The following EPSTI1 variants were observed in gnomAD, a reference collection of about 807,000 sequenced individuals.
EPSTI1 encodes epithelial-stromal interaction protein 1.
EPSTI1 carries 66 observed loss-of-function variants against 49.9 expected under a neutral mutation model. The observed-to-expected ratio is 1.32, with a 90% CI of 1.08 to 1.62. EPSTI1 has a LOEUF of 1.62. Among genes scored for constraint, EPSTI1 ranks in the 40% most tolerant of loss-of-function variants. EPSTI1 has a pLI of 0.00. For missense variants in EPSTI1, 394 were observed against 365.5 expected (o/e 1.08, Z -0.64); for synonymous variants, 137 against 130.7 (o/e 1.05, Z -0.33).
intron 1 of EPSTI1, among the ~76,000 whole-genome samples, chr13:42,978,203 C>T (rs1246396451): frequency 6.6e-6 from 1 of 151,552 alleles, no homozygotes; most frequent in Non-Finnish European, 1.5e-5. Flanking sequence ...GCACCCATGA[C>T]ACAGCTTCAA....
chr13:42,971,065 A>C (rs2039755741), intron 1 of EPSTI1, among the ~76,000 whole-genome samples: 1 of 152,112 alleles, frequency 6.6e-6, no homozygotes, highest in Non-Finnish European at 1.5e-5. Flanking sequence ...CCACAGACTG[A>C]TCCTAGAGGC....
chr13:42,971,492 C>T (rs892569047), intron 1 of EPSTI1, among the ~76,000 whole-genome samples: 36 of 152,182 alleles, frequency 2.4e-4, no homozygotes, highest in African/African-American at 8.4e-4. Context: ...CCCACAAGAA[C>T]ATGAATACTC....
At chr13:42,953,369 C>A (rs1324482468) in intron 6 of EPSTI1, among the ~76,000 whole-genome samples, 1 of 151,984 alleles carries the variant, frequency 6.6e-6, no homozygotes, top group Non-Finnish European at 1.5e-5. Flanking sequence ...CCAGAAAGGA[C>A]ATGAGCTTAT....
At chr13:42,907,997 A>G (rs2153414622) in intron 8 of EPSTI1, among the ~76,000 whole-genome samples, 1 of 152,344 alleles carries the variant, frequency 6.6e-6, no homozygotes, top group East Asian at 1.9e-4. Context: ...AGGGGAAAGG[A>G]CAGTCTCCTC....
In EPSTI1 at chr13:42,953,983, G is replaced by A; in HGVS notation, c.528C>T (p.Asn176=). The A allele has an allele frequency of 6.2e-7, 1 of 1,612,846 alleles. No individual in the cohort carries two copies. The highest frequency in any genetic ancestry group is 8.5e-7 in the Non-Finnish European group (1 of 1,179,816). Residue 176 remains asparagine (N), a synonymous_variant, in exon 6 of 11, where the codon AAC becomes AAT. Transcript: ENST00000313624. ...GCTCTCTAAATGCTTCTCTTCTAAGGTTTTCTTGAAGTCTTTTTTTCTCCT... is the reference window on the plus strand; with the variant it reads ...GCTCTCTAAATGCTTCTCTTCTAAGATTTTCTTGAAGTCTTTTTTTCTCCT... The part of the protein sequence containing the change: ...KLEEKKRLQE[N]LRREAFREHQ...
intron 6 of EPSTI1, among the ~76,000 whole-genome samples, chr13:42,928,981 T>C (rs2038275558): frequency 6.6e-6 from 1 of 152,206 alleles, no homozygotes; most frequent in African/African-American, 2.4e-5. Context: ...TCAGTTTTGG[T>C]TCCTAAATAC....
At chr13:42,914,135 A>G (rs1041591387) in intron 8 of EPSTI1, among the ~76,000 whole-genome samples, 7 of 152,192 alleles carry the variant, frequency 4.6e-5, no homozygotes, top group Non-Finnish European at 8.8e-5. Flanking sequence ...TATAGTAATG[A>G]GATAACTGAC....
intron 8 of EPSTI1, among the ~76,000 whole-genome samples, chr13:42,904,466 A>C (rs958231766): frequency 6.6e-5 from 10 of 152,254 alleles, no homozygotes; most frequent in African/African-American, 2.2e-4. Flanking sequence ...CATCTAAATT[A>C]GTGAAACCTA....
At chr13:42,894,936 CAT>C in intron 10 of EPSTI1, 71 bp downstream of exon 10, 2 of 1,360,880 alleles carry the variant, frequency 1.5e-6, no homozygotes, top group South Asian at 2.6e-5. Context: ...AAGGCCAAAA[CAT>C]ATATTAAAAA....
chr13:42,934,805 C>T (rs1284913766), intron 6 of EPSTI1: 3 of 204,800 alleles, frequency 1.5e-5, no homozygotes, highest in Non-Finnish European at 3.2e-5. Context: ...TCTACCAGAA[C>T]ATTCACTCCC....
At chr13:42,928,904 T>G (rs956945193) in intron 6 of EPSTI1, among the ~76,000 whole-genome samples, 1 of 152,216 alleles carries the variant, frequency 6.6e-6, no homozygotes, top group African/African-American at 2.4e-5. Context: ...ATTGTTCTCC[T>G]GGCTGGAACA....
chr13:42,933,398 AC>A (rs1039166217), intron 6 of EPSTI1, among the ~76,000 whole-genome samples: 1 of 149,892 alleles, frequency 6.7e-6, no homozygotes, highest in African/African-American at 2.4e-5. Flanking sequence ...ACTTCCCACA[AC>A]CCCCCGAAAT....
At chr13:42,912,812 C>T (rs1222183678) in intron 8 of EPSTI1, among the ~76,000 whole-genome samples, 1 of 150,768 alleles carries the variant, frequency 6.6e-6, no homozygotes, top group Non-Finnish European at 1.5e-5. Flanking sequence ...AGCTTTCATC[C>T]AGAATCCAAT....
At chr13:42,917,805 G>A (rs764068343) in intron 7 of EPSTI1, among the ~76,000 whole-genome samples, 181 bp from the exon 8 acceptor site, 45 of 152,244 alleles carry the variant, frequency 3.0e-4, no homozygotes, top group Admixed American at 9.8e-4. Context: ...GTCTGAAAAC[G>A]TCCCTTGGAA....
intron 6 of EPSTI1, among the ~76,000 whole-genome samples, chr13:42,949,315 G>A (rs952615136): frequency 2.0e-5 from 3 of 152,028 alleles, no homozygotes; most frequent in Non-Finnish European, 4.4e-5. Flanking sequence ...TTTGGCCCAG[G>A]CACGTGGCTC....
chr13:42,898,468 CTT>C (rs1234968752), intron 9 of EPSTI1, among the ~76,000 whole-genome samples: 1 of 152,220 alleles, frequency 6.6e-6, no homozygotes, highest in East Asian at 1.9e-4. Context: ...TATTTAATGA[CTT>C]GATCAGATAC....
rs1214001800 is a variant in EPSTI1 at position 42,966,729 on chromosome 13, C to T, written c.331+2365G>A. Among the ~76,000 whole-genome samples the T allele has an allele frequency of 6.3e-5, 5 of 79,682 alleles. 1 individual carries two copies. Among genetic ancestry groups the T allele is most frequent in the Non-Finnish European group, 1.1e-4 (4 of 35,248 alleles). 52.3% of individuals were successfully genotyped at this position (79,682 alleles called of 152,430 possible). ...CCCCCGCCCGGCCAGCCGCCCCGTC[C>T]GGGAGGTGAGGGGCGCCTCCGCCCG... is the stretch of plus-strand genomic sequence containing the variant. On this transcript the variant is annotated intron_variant, in intron 3 of 10. Transcript: ENST00000313624.
At chr13:42,932,142 G>A (rs903867064) in intron 6 of EPSTI1, among the ~76,000 whole-genome samples, 7 of 151,902 alleles carry the variant, frequency 4.6e-5, no homozygotes, top group East Asian at 1.9e-4. Context: ...TGTGTTGCCC[G>A]GGCTGATCTC....
At chr13:42,918,572 T>A (rs2037903703) in intron 7 of EPSTI1, among the ~76,000 whole-genome samples, 1 of 152,206 alleles carries the variant, frequency 6.6e-6, no homozygotes, top group Non-Finnish European at 1.5e-5. Flanking sequence ...ACTTCTTAGT[T>A]CATTCTGGCA....
Sources: gnomAD v4.1 joint callset for allele counts (sites outside exome capture counted in the v4.1 genomes callset) on GRCh38, gnomAD v4.1.1 for gene constraint, MANE v1.5 for transcripts, NCBI Gene and HGNC (gene_info 2026-07-23, HGNC 2026-07-21) for gene names.